OXR1: variants seen among roughly 807,000 people sequenced by gnomAD.
The protein encoded by OXR1 is oxidation resistance protein 1.
A neutral mutation model predicts 104.6 loss-of-function variants in OXR1; 41 were observed. That is an observed-to-expected ratio of 0.39 (90% CI 0.31 to 0.51). The LOEUF is 0.51. Ranked by LOEUF, OXR1 falls within the 20% of genes least tolerant of loss-of-function variation. The pLI, the probability that OXR1 is intolerant of heterozygous loss-of-function variation, is 0.77. For missense variants in OXR1, 955 were observed against 1,031.9 expected (o/e 0.93, Z 1.02); for synonymous variants, 348 against 348.4 (o/e 1.00, Z 0.01).
intron 2 of OXR1, among the ~76,000 whole-genome samples, chr8:106,443,378 T>C (rs1263571087): frequency 6.6e-6 from 1 of 152,126 alleles, no homozygotes; most frequent in Non-Finnish European, 1.5e-5. Flanking sequence ...GAACAATGTA[T>C]ACTCTGTTGA....
At chr8:106,284,387 G>C (rs966861283) in intron 1 of OXR1, among the ~76,000 whole-genome samples, 2 of 152,100 alleles carry the variant, frequency 1.3e-5, no homozygotes. Context: ...ACCAGATGGA[G>C]GTGGAGAGGT....
chr8:106,681,311 T>A (rs1828125610), intron 4 of OXR1, among the ~76,000 whole-genome samples: 1 of 152,192 alleles, frequency 6.6e-6, no homozygotes, highest in Admixed American at 6.5e-5. Flanking sequence ...ATCAGTACAT[T>A]GTGTAGATGG....
At chr8:106,636,992 A>AT (rs1441634608) in intron 3 of OXR1, among the ~76,000 whole-genome samples, 4 of 152,144 alleles carry the variant, frequency 2.6e-5, no homozygotes, top group South Asian at 2.1e-4. Context: ...CTCCTGCATA[A>AT]AATTTTCTCC....
intron 3 of OXR1, among the ~76,000 whole-genome samples, chr8:106,634,880 C>T (rs1249451544): frequency 6.6e-6 from 1 of 151,012 alleles, no homozygotes; most frequent in Non-Finnish European, 1.5e-5. Flanking sequence ...CTAGTGTGGT[C>T]CACTTTGAGT....
At chr8:106,302,742 G>GT (rs1197025399) in intron 1 of OXR1, among the ~76,000 whole-genome samples, 2 of 151,868 alleles carry the variant, frequency 1.3e-5, no homozygotes, top group African/African-American at 4.8e-5. Context: ...ACCTGTTTGG[G>GT]TTTTTTTGTT....
At chr8:106,308,854 AT>A (rs1382648142) in intron 1 of OXR1, among the ~76,000 whole-genome samples, 2 of 152,200 alleles carry the variant, frequency 1.3e-5, no homozygotes, top group Non-Finnish European at 2.9e-5. Context: ...TTATCCTTAT[AT>A]TTTATAAATT....
chr8:106,647,202 G>T (rs909276799), intron 3 of OXR1, among the ~76,000 whole-genome samples: 1 of 152,114 alleles, frequency 6.6e-6, no homozygotes, highest in African/African-American at 2.4e-5. Flanking sequence ...ACAATTTTCA[G>T]AATTGAAAGA....
At chr8:106,658,005 T>A in intron 3 of OXR1, 1 of 1,248,214 alleles carries the variant, frequency 8.0e-7, no homozygotes, top group Non-Finnish European at 1.0e-6. Flanking sequence ...CCTGACGACG[T>A]TCACCGAGAA....
intron 3 of OXR1, among the ~76,000 whole-genome samples, chr8:106,659,167 C>G (rs753477801): frequency 6.6e-6 from 1 of 151,934 alleles, no homozygotes; most frequent in African/African-American, 2.4e-5. Flanking sequence ...GCTGTGTTGC[C>G]CAGGCTGGTC....
chr8:106,644,658 G>A (rs1823927706), intron 3 of OXR1, among the ~76,000 whole-genome samples: 1 of 152,018 alleles, frequency 6.6e-6, no homozygotes, highest in Admixed American at 6.6e-5. Flanking sequence ...TAAAACACTG[G>A]CAGTTTTAAA....
At chr8:106,727,539 C>A (rs762439917) in intron 11 of OXR1, among the ~76,000 whole-genome samples, 1 of 151,994 alleles carries the variant, frequency 6.6e-6, no homozygotes, top group Non-Finnish European at 1.5e-5. Flanking sequence ...TGCCTCAGCC[C>A]GGCAAGTAGC....
intron 1 of OXR1, among the ~76,000 whole-genome samples, chr8:106,335,979 C>G (rs1703919538): frequency 1.3e-5 from 2 of 152,008 alleles, no homozygotes; most frequent in Admixed American, 1.3e-4. Flanking sequence ...GCCCATAAGC[C>G]CAGCTACTTG....
intron 3 of OXR1, among the ~76,000 whole-genome samples, chr8:106,577,849 C>T (rs1466215237): frequency 6.6e-6 from 1 of 152,180 alleles, no homozygotes; most frequent in Non-Finnish European, 1.5e-5. Flanking sequence ...TTCAGGTACG[C>T]TTGTAGTTCC....
chr8:106,599,667 A>G (rs550420227), intron 3 of OXR1, among the ~76,000 whole-genome samples: 96 of 152,368 alleles, frequency 6.3e-4, no homozygotes, highest in African/African-American at 2.3e-3. Context: ...CAAGTCATCC[A>G]TAAAATGATT....
intron 1 of OXR1, among the ~76,000 whole-genome samples, chr8:106,295,317 A>T (rs191060282): frequency 6.6e-6 from 1 of 152,300 alleles, no homozygotes; most frequent in East Asian, 1.9e-4. Context: ...ATTAAAAGAG[A>T]GCAACTGGCA....
chr8:106,396,396 G>T (rs1381483701), intron 2 of OXR1, among the ~76,000 whole-genome samples: 1 of 152,064 alleles, frequency 6.6e-6, no homozygotes, highest in African/African-American at 2.4e-5. Flanking sequence ...GCGGAGGAGG[G>T]TGCCTCATGT....
At chr8:106,304,104 G>T (rs1392811151) in intron 1 of OXR1, among the ~76,000 whole-genome samples, 2 of 152,058 alleles carry the variant, frequency 1.3e-5, no homozygotes, top group Admixed American at 6.6e-5. Flanking sequence ...CTCTAATTTA[G>T]TTTGTTACTG....
At chr8:106,376,096 A>G (rs567226838) in intron 2 of OXR1, among the ~76,000 whole-genome samples, 1 of 152,236 alleles carries the variant, frequency 6.6e-6, no homozygotes, top group Admixed American at 6.5e-5. Context: ...TGCCCTTCTC[A>G]CCTCAGTCTC....
chr8:106,276,654 C>A (rs1305038855), intron 1 of OXR1, among the ~76,000 whole-genome samples: 1 of 148,946 alleles, frequency 6.7e-6, no homozygotes, highest in Non-Finnish European at 1.5e-5. Context: ...TGCTTATTTT[C>A]TTGGTTAAAT....
Sources: allele counts gnomAD v4.1 joint callset (sites outside exome capture counted in the v4.1 genomes callset), GRCh38; gene constraint gnomAD v4.1.1; transcripts MANE v1.5; gene names NCBI Gene and HGNC (gene_info 2026-07-23, HGNC 2026-07-21).